The following ANO4 variants were observed in gnomAD, a reference collection of about 807,000 sequenced individuals.
ANO4 encodes anoctamin 4, also known as anoctamin-4.
A neutral mutation model predicts 141.9 loss-of-function variants in ANO4; 69 were observed. The observed-to-expected ratio is 0.49, with a 90% confidence interval of 0.40 to 0.59. ANO4 has a LOEUF of 0.59. Ranked by LOEUF, ANO4 falls within the 20% of genes least tolerant of loss-of-function variation. The pLI is 0.00. For missense variants in ANO4, 894 were observed against 1,162.2 expected (o/e 0.77, Z 3.36); for synonymous variants, 350 against 394.3 (o/e 0.89, Z 1.33).
At chr12:100,971,878 C>CT (rs1294796168) in intron 6 of ANO4, among the ~76,000 whole-genome samples, 2 of 151,874 alleles carry the variant, frequency 1.3e-5, no homozygotes, top group South Asian at 2.1e-4. Flanking sequence ...AAAAAAACCA[C>CT]TTTTTTTAAT....
At chr12:101,112,291 T>G (rs898501949) in intron 24 of ANO4, among the ~76,000 whole-genome samples, 1 of 152,220 alleles carries the variant, frequency 6.6e-6, no homozygotes, top group African/African-American at 2.4e-5. Context: ...CTGAGTGGAC[T>G]AAACTCCTTG....
At chr12:100,718,025 T>TA (rs558946930) in intron 1 of ANO4, among the ~76,000 whole-genome samples, 99 of 152,302 alleles carry the variant, frequency 6.5e-4, no homozygotes, top group Admixed American at 2.4e-3. Context: ...GGAGTTAAAA[T>TA]AATATGCACT....
chr12:101,036,170 C>G, intron 9 of ANO4, among the ~76,000 whole-genome samples: 1 of 152,160 alleles, frequency 6.6e-6, no homozygotes, highest in Non-Finnish European at 1.5e-5. Context: ...ATCTCACACC[C>G]GTTAGAATGG....
chr12:100,791,827 G>T (rs1445246156), upstream of ANO4, among the ~76,000 whole-genome samples: 1 of 152,126 alleles, frequency 6.6e-6, no homozygotes, highest in Non-Finnish European at 1.5e-5. Context: ...TTACACTATG[G>T]GTGCTGCAAA....
At chr12:100,819,046 T>G (rs2035887336) in intron 1 of ANO4, among the ~76,000 whole-genome samples, 1 of 150,478 alleles carries the variant, frequency 6.6e-6, no homozygotes, top group South Asian at 2.1e-4. Flanking sequence ...TATATATATA[T>G]GTGTATATAT....
intron 3 of ANO4, among the ~76,000 whole-genome samples, chr12:100,928,184 C>CG (rs935840228): frequency 1.7e-5 from 2 of 117,136 alleles, no homozygotes; most frequent in African/African-American, 6.5e-5. Context: ...TGAGCGGGGC[C>CG]GGGGGGGCTG....
chr12:100,820,778 A>T (rs2036006499), intron 1 of ANO4, among the ~76,000 whole-genome samples: 1 of 152,050 alleles, frequency 6.6e-6, no homozygotes, highest in South Asian at 2.1e-4. Context: ...GCTGGGTTGC[A>T]ATGTTAATCA....
intron 8 of ANO4, among the ~76,000 whole-genome samples, chr12:101,011,348 A>G (rs1434204274): frequency 6.9e-6 from 1 of 144,984 alleles, no homozygotes; most frequent in Non-Finnish European, 1.5e-5. Context: ...AATCTACCAC[A>G]GACTGCTGTC....
intron 2 of ANO4, among the ~76,000 whole-genome samples, chr12:100,909,904 A>C (rs1008615734): frequency 1.3e-5 from 2 of 152,222 alleles, no homozygotes; most frequent in Non-Finnish European, 2.9e-5. Context: ...TGCCAAATTA[A>C]ATACAATGTT....
intron 15 of ANO4, among the ~76,000 whole-genome samples, chr12:101,081,797 T>C (rs1381511478): frequency 6.6e-6 from 1 of 152,110 alleles, no homozygotes; most frequent in East Asian, 1.9e-4. Flanking sequence ...GCATCTTTTC[T>C]TGGCTTATAG....
chr12:101,067,013 A>G (rs562436447), intron 14 of ANO4: 10 of 583,972 alleles, frequency 1.7e-5, no homozygotes, highest in Admixed American at 9.0e-5. Flanking sequence ...AAAAAAAAAA[A>G]AAAAGAAAGA....
intron 1 of ANO4, among the ~76,000 whole-genome samples, chr12:100,878,563 G>C (rs576515930): frequency 5.7e-4 from 87 of 152,234 alleles, no homozygotes; most frequent in Non-Finnish European, 1.1e-3. Flanking sequence ...TTTGAGTGAA[G>C]GCAGGACCCT....
chr12:100,923,326 C>T lies in ANO4; in HGVS notation c.160+996C>T, dbSNP rs1262067602. Among the ~76,000 whole-genome samples the T allele has an allele frequency of 2.0e-5, 3 of 149,608 alleles. No individual in the cohort carries two copies. In the East Asian group the frequency reaches 6.0e-4, roughly 30 times the overall value. ...GACAGGCCCTGGTGTGTGATGTTCC[C>T]TGCCCTGTGTCCAAATCATCTCATT... On this transcript the variant is annotated intron_variant, in intron 3 of 27. Coordinates refer to ENST00000392977, the MANE Select transcript of ANO4 (RefSeq NM_001286615.2).
chr12:100,769,290 G>A (rs1241577907), intron 3 of ANO4, among the ~76,000 whole-genome samples: 1 of 152,190 alleles, frequency 6.6e-6, no homozygotes, highest in Non-Finnish European at 1.5e-5. Context: ...TGATCTAGCT[G>A]GCTCCTGAAA....
chr12:100,801,719 A>G (rs2034705137), intron 1 of ANO4, among the ~76,000 whole-genome samples: 1 of 129,364 alleles, frequency 7.7e-6, no homozygotes, highest in South Asian at 3.0e-4. Flanking sequence ...CGTGCCAGCA[A>G]TCAGGTGACT....
intron 8 of ANO4, among the ~76,000 whole-genome samples, chr12:101,014,871 A>G (rs189923631): frequency 1.3e-4 from 20 of 152,248 alleles, no homozygotes; most frequent in Middle Eastern, 3.4e-3. Context: ...ATCTCACTCT[A>G]TCACCCAGAC....
At chr12:101,048,677 G>T (rs1478793524) in intron 14 of ANO4, among the ~76,000 whole-genome samples, 2 of 152,110 alleles carry the variant, frequency 1.3e-5, no homozygotes, top group East Asian at 3.8e-4. Flanking sequence ...TAAAGCTTAT[G>T]GTACAACTTT....
At chr12:100,855,323 T>C (rs1490638346) in intron 1 of ANO4, among the ~76,000 whole-genome samples, 1 of 152,198 alleles carries the variant, frequency 6.6e-6, no homozygotes, top group Non-Finnish European at 1.5e-5. Flanking sequence ...AACTTTATGC[T>C]AACATCAGAG....
At chr12:100,806,007 T>C (rs2135681428) in intron 1 of ANO4, among the ~76,000 whole-genome samples, 1 of 152,248 alleles carries the variant, frequency 6.6e-6, no homozygotes, top group South Asian at 2.1e-4. Flanking sequence ...ATCAATGTTC[T>C]TTTTCTCTGT....
Sources: allele counts gnomAD v4.1 joint callset (sites outside exome capture counted in the v4.1 genomes callset), GRCh38; gene constraint gnomAD v4.1.1; transcripts MANE v1.5; gene names NCBI Gene and HGNC (gene_info 2026-07-23, HGNC 2026-07-21).